The following GRM4 variants were observed in gnomAD, a reference collection of about 807,000 sequenced individuals.
GRM4 encodes the protein metabotropic glutamate receptor 4.
In GRM4, 28 loss-of-function variants were observed where a neutral mutation model predicts 81.7. The ratio of observed to expected loss-of-function variants is 0.34; its 90% CI spans 0.25 to 0.47. The LOEUF (loss-of-function observed/expected upper bound fraction) is 0.47, where lower values mean the gene tolerates loss of function less well. Among genes scored for constraint, GRM4 ranks in the 20% least tolerant of loss-of-function variants. The probability of loss-of-function intolerance (pLI) is 1.00; values close to 1 mark genes in which losing one functional copy is unlikely to be tolerated. For synonymous variants in GRM4, 488 were observed against 528.8 expected, an observed-to-expected ratio of 0.92 and a Z score of 1.06; for missense variants, 948 against 1,290.0, an observed-to-expected ratio of 0.73 and a Z score of 4.06.
intron 2 of GRM4, among the ~76,000 whole-genome samples, chr6:34,095,097 G>T (rs749320982): frequency 3.3e-5 from 5 of 152,230 alleles, no homozygotes; most frequent in Admixed American, 6.5e-5. Flanking sequence ...GGCCAAGCAT[G>T]TGCTCCTGCA....
Position 34,042,594 on chromosome 6 carries a change from G to T in GRM4, c.1169-1846C>A, listed in dbSNP as rs545378465. ...CCTCCTATCATTCTACTCCTAGCCCGTGCCTCTCAGCTAGAGGGCACATGC... is the reference window on the plus strand; with the variant it reads ...CCTCCTATCATTCTACTCCTAGCCCTTGCCTCTCAGCTAGAGGGCACATGC... On this transcript the variant is annotated intron_variant, in intron 6 of 10. Coordinates refer to ENST00000538487, the MANE Select transcript of GRM4 (RefSeq NM_000841.4). This position sits in a 1 kb window ranked among gnomAD's most constrained non-coding sequence, Gnocchi z 4.2. Among the ~76,000 whole-genome samples the T allele has an allele frequency of 3.3e-5, 5 of 152,314 alleles. 1 individual carries two copies. The highest frequency in any genetic ancestry group is 3.3e-4 in the Admixed American group (5 of 15,300).
chr6:34,120,881 A>T (rs1360549168), intron 2 of GRM4, among the ~76,000 whole-genome samples: 1 of 152,226 alleles, frequency 6.6e-6, no homozygotes, highest in Non-Finnish European at 1.5e-5. Context: ...GGCATGAGCC[A>T]CTGCGCCCAG....
At chr6:34,144,309 C>T (rs959372134) in intron 1 of GRM4, among the ~76,000 whole-genome samples, 1 of 152,188 alleles carries the variant, frequency 6.6e-6, no homozygotes, top group Non-Finnish European at 1.5e-5. Context: ...CGCCTCCCAC[C>T]TGCGAGCGCC....
chr6:34,036,402 G>A lies in GRM4; in HGVS notation c.1708C>T (p.Arg570Cys), dbSNP rs1230852056. The A allele has an allele frequency of 1.9e-6, 3 of 1,612,254 alleles. No individual in the cohort carries two copies. Among genetic ancestry groups the A allele is most frequent in the Non-Finnish European group, 2.5e-6 (3 of 1,178,660 alleles). ...CPYDMRPTEN[R>C]TGCRPIPIIK... ...ATGGGGATGGGCCGGCAGCCCGTGCGGTTCTCTGTGGGCCGCATGTCATAG... is the reference window on the plus strand; with the variant it reads ...ATGGGGATGGGCCGGCAGCCCGTGCAGTTCTCTGTGGGCCGCATGTCATAG... The change falls in exon 9 of 11, where the codon CGC becomes TGC. Residue 570 changes from arginine (R) to cysteine (C), a missense_variant. By Grantham distance (180) the Arg-to-Cys change is radical (BLOSUM62 -3). Transcript: ENST00000538487. This position sits in a 1 kb window ranked among gnomAD's most constrained non-coding sequence, Gnocchi z 9.0.
At chr6:34,083,795 C>A (rs1767736828) in intron 3 of GRM4, among the ~76,000 whole-genome samples, 1 of 152,208 alleles carries the variant, frequency 6.6e-6, no homozygotes, top group Non-Finnish European at 1.5e-5. Flanking sequence ...CAAGCTAAAG[C>A]CAGCGGCAGC....
chr6:34,067,440 C>CT (rs1159033925), intron 3 of GRM4, among the ~76,000 whole-genome samples: 3 of 116,258 alleles, frequency 2.6e-5, no homozygotes, highest in Admixed American at 8.5e-5. Flanking sequence ...CTCCCTCCGT[C>CT]CTTCCTTCCC....
At position 34,068,937 on chromosome 6, in the gene GRM4, T is replaced by C. The variant is rs1168521885; in HGVS notation, c.737-6909A>G. On this transcript the variant is annotated intron_variant, in intron 3 of 10. Transcript: ENST00000538487. The surrounding 1 kb of genome is among the most constrained non-coding windows in gnomAD (Gnocchi z 4.2). ...GCTTTCTCCCTTCCTTTAAAAAGAA[T>C]TTTTTTTTAATTTAAAAAGAGAGGA... Among the ~76,000 whole-genome samples the C allele has an allele frequency of 6.6e-6, 1 of 151,578 alleles. No homozygotes were observed. Among genetic ancestry groups the C allele is most frequent in the African/African-American group, 2.4e-5 (1 of 41,252 alleles).
In GRM4 at chr6:34,064,825, A is replaced by G. The variant is rs546800701; in HGVS notation, c.737-2797T>C. Among the ~76,000 whole-genome samples, 11 of 152,256 alleles carry G rather than the reference A, an allele frequency of 7.2e-5. No homozygotes were observed. The highest frequency in any genetic ancestry group is 2.4e-4 in the African/African-American group (10 of 41,548). ...TGGCACCATGCGAGGCCCAGTCTCA[A>G]TGAATCCTTACACATTAGCCGGTGC... On this transcript the variant is annotated intron_variant, in intron 3 of 10. Transcript: ENST00000538487. The surrounding 1 kb of genome is among the most constrained non-coding windows in gnomAD (Gnocchi z 4.4).
rs1437055341 is a variant in GRM4 at position 34,070,018 on chromosome 6, T to A, written c.737-7990A>T. On this transcript the variant is annotated intron_variant, in intron 3 of 10. Coordinates refer to ENST00000538487, the MANE Select transcript of GRM4 (RefSeq NM_000841.4). The surrounding 1 kb of genome is among the most constrained non-coding windows in gnomAD (Gnocchi z 4.6). The stretch of plus-strand genomic sequence containing the variant: ...CGGTAATCCACACTTGCTGGACGAA[T>A]GGAGAACTGAGTTCCTGACTGACGG... Among the ~76,000 whole-genome samples the A allele has an allele frequency of 6.6e-6, 1 of 152,146 alleles. No individual in the cohort carries two copies. The highest frequency in any genetic ancestry group is 2.4e-5 in the African/African-American group (1 of 41,436).
Position 34,022,546 on chromosome 6 carries a change from GC to G in GRM4, c.*274del. 1 of 527,062 alleles carries G rather than the reference GC, an allele frequency of 1.9e-6. No individual in the cohort carries two copies. The highest frequency in any genetic ancestry group is 3.4e-6 in the Non-Finnish European group (1 of 291,504). 32.6% of individuals were successfully genotyped at this position (527,062 alleles called of 1,614,324 possible). On this transcript the variant is annotated 3_prime_UTR_variant, in exon 11 of 11. Transcript: ENST00000538487. The surrounding 1 kb of genome is among the most constrained non-coding windows in gnomAD (Gnocchi z 5.6). ...TAGCACTGGGGCCCACACGACCTGA[GC>G]CCCTGTGGTTTGGGGCCGGGAGGGG...
chr6:34,066,161 G>A (rs1387172102), intron 3 of GRM4, among the ~76,000 whole-genome samples: 1 of 152,236 alleles, frequency 6.6e-6, no homozygotes, highest in South Asian at 2.1e-4. Context: ...TGAACGTGCC[G>A]GCTGCCTCCA....
chr6:34,022,788 C>T lies in GRM4; in HGVS notation c.*33G>A. The T allele has an allele frequency of 6.3e-7, 1 of 1,599,150 alleles. No homozygotes were observed. Among genetic ancestry groups the T allele is most frequent in the Non-Finnish European group, 8.6e-7 (1 of 1,166,454 alleles). The stretch of plus-strand genomic sequence containing the variant: ...CGACGCACCTTCCACAGGGTCACGG[C>T]TCCTCCTCCTGCTGCTCAGCTCCAT... On this transcript the variant is annotated 3_prime_UTR_variant, in exon 11 of 11. Transcript: ENST00000538487. The surrounding 1 kb of genome is among the most constrained non-coding windows in gnomAD (Gnocchi z 5.6).
At chr6:34,058,831 T>A (rs1289731479) in intron 5 of GRM4, 143 bp downstream of exon 5, 2 of 673,104 alleles carry the variant, frequency 3.0e-6, no homozygotes, top group East Asian at 5.5e-5. Flanking sequence ...GCCCAAAACC[T>A]CAGAACATAA....
chr6:34,070,011 G>A lies in GRM4; in HGVS notation c.737-7983C>T, dbSNP rs1766725080. 6.6e-6 allele frequency among the ~76,000 whole-genome samples: 1 copy of A among 152,198 alleles called. No individual in the cohort carries two copies. ...AGGACGGCGGTAATCCACACTTGCT[G>A]GACGAATGGAGAACTGAGTTCCTGA... On this transcript the variant is annotated intron_variant, in intron 3 of 10. Coordinates refer to ENST00000538487, the MANE Select transcript of GRM4 (RefSeq NM_000841.4). The surrounding 1 kb of genome is among the most constrained non-coding windows in gnomAD (Gnocchi z 4.6).
At chr6:34,083,909 A>G (rs71567420) in intron 3 of GRM4, among the ~76,000 whole-genome samples, 1,610 of 152,270 alleles carry the variant, frequency 0.011, 16 homozygotes, top group Middle Eastern at 0.024. Context: ...CACTGCCACC[A>G]TGCAATTGGC....
chr6:34,154,241 G>A (rs1203325691), intron 1 of GRM4, among the ~76,000 whole-genome samples: 20 of 152,184 alleles, frequency 1.3e-4, no homozygotes, highest in Non-Finnish European at 2.6e-4. Context: ...GTGAGATGGT[G>A]AGCACGGCTC....
At chr6:34,154,590 TACACACACACACAC>T (rs57603011) in intron 1 of GRM4, among the ~76,000 whole-genome samples, 26 of 145,088 alleles carry the variant, frequency 1.8e-4, no homozygotes, top group South Asian at 6.6e-4. Flanking sequence ...TGGTCCTGAC[TACACACACACACAC>T]ACACACACAC....
intron 3 of GRM4, among the ~76,000 whole-genome samples, chr6:34,076,673 G>A (rs906912877): frequency 6.9e-6 from 1 of 144,484 alleles, no homozygotes; most frequent in African/African-American, 2.7e-5. Flanking sequence ...AGGGCAGCAG[G>A]AGAGGCCTTC....
intron 10 of GRM4, chr6:34,024,540 G>A (rs1162931803): frequency 2.5e-6 from 1 of 396,074 alleles, no homozygotes; most frequent in Non-Finnish European, 5.1e-6. Context: ...GCAGAAGTTT[G>A]GTGTCCAACT....
Sources: gnomAD v4.1 joint callset for allele counts (sites outside exome capture counted in the v4.1 genomes callset) on GRCh38, gnomAD v4.1.1 for gene constraint, Gnocchi (gnomAD v3.1) non-coding constraint, MANE v1.5 for transcripts, NCBI Gene and HGNC (gene_info 2026-07-23, HGNC 2026-07-21) for gene names.